The following C4orf17 variants were observed in gnomAD, a reference collection of about 807,000 sequenced individuals.
C4orf17 encodes the protein uncharacterized protein C4orf17.
C4orf17 carries 25 observed loss-of-function variants against 32.0 expected under a neutral mutation model. The observed-to-expected ratio is 0.78, with a 90% CI of 0.57 to 1.09. The LOEUF is 1.09. C4orf17 is among the 50% of genes least tolerant of loss of function. C4orf17 has a pLI of 0.00. For synonymous variants in C4orf17, 149 were observed against 145.8 expected, an observed-to-expected ratio of 1.02 and a Z score of -0.16; for missense variants, 420 against 420.0, an observed-to-expected ratio of 1.00 and a Z score of 0.00.
intron 6 of C4orf17, among the ~76,000 whole-genome samples, chr4:99,538,663 G>T (rs1246013477): frequency 6.6e-6 from 1 of 151,838 alleles, no homozygotes; most frequent in Non-Finnish European, 1.5e-5. Flanking sequence ...TTATTGTTGG[G>T]AGAAAGAACA....
At chr4:99,533,808 C>T (rs1050560115) in intron 5 of C4orf17, among the ~76,000 whole-genome samples, 4 of 151,712 alleles carry the variant, frequency 2.6e-5, no homozygotes. Context: ...AGATACCTTG[C>T]GGGAACATAC....
chr4:99,517,933 A>G (rs1190969622), intron 2 of C4orf17, among the ~76,000 whole-genome samples: 3 of 152,200 alleles, frequency 2.0e-5, no homozygotes, highest in African/African-American at 2.4e-5. Context: ...CTTCAAAAGC[A>G]AGGTCCCCCA....
intron 7 of C4orf17, 95 bp from the exon 8 acceptor site, chr4:99,540,317 A>G: frequency 3.9e-6 from 3 of 777,344 alleles, no homozygotes; most frequent in South Asian, 1.8e-5. Context: ...TATTTAAGAT[A>G]CATATACACT....
intron 6 of C4orf17, among the ~76,000 whole-genome samples, chr4:99,538,324 T>A (rs1427839307): frequency 6.6e-6 from 1 of 152,194 alleles, no homozygotes; most frequent in Non-Finnish European, 1.5e-5. Flanking sequence ...CAAATGTAGT[T>A]GATCATCAGA....
chr4:99,533,351 A>G (rs1723508041), intron 5 of C4orf17, among the ~76,000 whole-genome samples: 1 of 152,212 alleles, frequency 6.6e-6, no homozygotes, highest in African/African-American at 2.4e-5. Flanking sequence ...CCTGCTGTAA[A>G]AAACTATATA....
intron 5 of C4orf17, among the ~76,000 whole-genome samples, chr4:99,534,588 C>T (rs1005872797): frequency 1.3e-5 from 2 of 152,156 alleles, no homozygotes; most frequent in African/African-American, 2.4e-5. Flanking sequence ...CTAATTTATA[C>T]TCCCACCAAC....
At position 99,539,252 on chromosome 4, in the gene C4orf17, G is replaced by C; in HGVS notation, c.718G>C (p.Ala240Pro). 6.2e-7 allele frequency: 1 copy of C among 1,614,084 alleles called. No homozygotes were observed. Reference sequence around the variant, plus strand: ...CAGAAGAAACACCTCAATGGAACCAGCAGCAGAGACTGGGAAGCCACCCAC... The same window carrying C: ...CAGAAGAAACACCTCAATGGAACCACCAGCAGAGACTGGGAAGCCACCCAC... ...HHRRNTSMEP[A>P]AETGKPPTVK... Residue 240 changes from alanine to proline, a missense_variant, in exon 7 of 9, where the codon GCA becomes CCA. Physicochemically the swap from Ala to Pro is conservative, Grantham distance 27. Transcript: ENST00000326581.
At position 99,541,947 on chromosome 4, in the gene C4orf17, T is replaced by C; in HGVS notation, c.918T>C (p.Asn306=). ...AGCCTCCACTACTTATAAGAAGAAA[T>C]AATATGAAAATACCTGTTGCAGAAT... ...EHKPPLLIRR[N]NMKIPVAEYF... The change falls in exon 9 of 9, where the codon AAT becomes AAC. Residue 306 remains asparagine (N), a synonymous_variant. Transcript: ENST00000326581. 18 of 1,613,816 alleles carry C rather than the reference T, an allele frequency of 1.1e-5. No homozygotes were observed. The highest frequency in any genetic ancestry group is 1.5e-5 in the Non-Finnish European group (18 of 1,179,914).
chr4:99,526,503 G>A (rs1256968169), intron 4 of C4orf17, among the ~76,000 whole-genome samples: 1 of 152,054 alleles, frequency 6.6e-6, no homozygotes, highest in Non-Finnish European at 1.5e-5. Flanking sequence ...AATAAGTTGG[G>A]AATTCCTGTT....
At chr4:99,515,053 A>C (rs1450786739) in intron 2 of C4orf17, among the ~76,000 whole-genome samples, 1 of 152,218 alleles carries the variant, frequency 6.6e-6, no homozygotes, top group Admixed American at 6.5e-5. Context: ...GTTAAGCTAG[A>C]GGATGCAAAG....
intron 2 of C4orf17, among the ~76,000 whole-genome samples, chr4:99,517,327 G>A (rs956698842): frequency 3.3e-5 from 5 of 152,146 alleles, no homozygotes; most frequent in African/African-American, 9.7e-5. Flanking sequence ...CAAGGGGAAT[G>A]GATTCAATCT....
chr4:99,540,476 A>G lies in C4orf17; in HGVS notation c.880+21A>G, dbSNP rs761996392. On this transcript the variant is annotated intron_variant, in intron 8 of 8. Transcript: ENST00000326581. ...AAAAGGTTAAGTACAGTTTTTGGTAACTATTGAGTTGGTATAAAGAAACCA... is the reference window on the plus strand; with the variant it reads ...AAAAGGTTAAGTACAGTTTTTGGTAGCTATTGAGTTGGTATAAAGAAACCA... 3.8e-6 allele frequency: 6 copies of G among 1,571,572 alleles called. No individual in the cohort carries two copies. In the Admixed American group the frequency reaches 1.0e-4, roughly 26 times the overall value.
chr4:99,522,797 A>AGTG lies in C4orf17; in HGVS notation c.337+91_337+93dup. 4 of 1,029,870 alleles carry AGTG rather than the reference A, an allele frequency of 3.9e-6. No individual in the cohort carries two copies. In the South Asian group the frequency reaches 6.4e-5, roughly 16 times the overall value. 63.8% of individuals were successfully genotyped at this position (1,029,870 alleles called of 1,614,324 possible). ...GTCTATATGATGCTAAAATAGCTGC[A>AGTG]GTGGTTTTTACATCAAGTTTCCTCA... On this transcript the variant is annotated intron_variant, in intron 3 of 8. Coordinates refer to ENST00000326581, the MANE Select transcript of C4orf17 (RefSeq NM_032149.3).
intron 5 of C4orf17, among the ~76,000 whole-genome samples, chr4:99,533,809 G>T (rs889168630): frequency 4.6e-5 from 3 of 64,770 alleles, no homozygotes; most frequent in Non-Finnish European, 8.9e-5. Context: ...GATACCTTGC[G>T]GGAACATACC....
intron 5 of C4orf17, among the ~76,000 whole-genome samples, chr4:99,534,237 T>C (rs1407473017): frequency 6.6e-6 from 1 of 152,182 alleles, no homozygotes; most frequent in Non-Finnish European, 1.5e-5. Flanking sequence ...ACATGTGGTG[T>C]TTGGTTTTCT....
chr4:99,527,510 G>T (rs1356094007), intron 4 of C4orf17, among the ~76,000 whole-genome samples: 4 of 152,192 alleles, frequency 2.6e-5, no homozygotes, highest in Non-Finnish European at 4.4e-5. Flanking sequence ...TGGGGGGAAT[G>T]GTTTCAGGAT....
rs142184694 is a variant in C4orf17, at chr4:99,513,453, G to C, written c.127+245G>C. Among the ~76,000 whole-genome samples, 241 of 152,292 alleles carry C rather than the reference G, an allele frequency of 1.6e-3. 2 individuals are homozygous for C. The highest frequency in any genetic ancestry group is 0.014 in the Middle Eastern group (4 of 294). ...AAATTGCTTGATTGTTAGGACAGGG[G>C]CCTGGAGAGGGGCCAAAGTGGCCAG... On this transcript the variant is annotated intron_variant, in intron 2 of 8. Transcript: ENST00000326581.
At chr4:99,520,235 G>C (rs2851018) in intron 2 of C4orf17, among the ~76,000 whole-genome samples, 62 of 151,536 alleles carry the variant, frequency 4.1e-4, no homozygotes, top group Non-Finnish European at 7.8e-4. Context: ...AACTACAGGC[G>C]CCTGCCACTG....
intron 5 of C4orf17, among the ~76,000 whole-genome samples, chr4:99,531,742 C>T (rs756530833): frequency 1.3e-5 from 2 of 152,034 alleles, no homozygotes; most frequent in Admixed American, 6.6e-5. Flanking sequence ...AATAAATGAA[C>T]GGAGAGGGAA....
Sources: allele counts gnomAD v4.1 joint callset (sites outside exome capture counted in the v4.1 genomes callset), GRCh38; gene constraint gnomAD v4.1.1; transcripts MANE v1.5; gene names NCBI Gene and HGNC (gene_info 2026-07-23, HGNC 2026-07-21).